KLF8: variants seen among roughly 807,000 people sequenced by gnomAD.
KLF8 encodes the protein KLF transcription factor 8, also known as Krueppel-like factor 8.
In KLF8, 10 loss-of-function variants were observed where a neutral mutation model predicts 18.2. The ratio of observed to expected loss-of-function variants is 0.55; its 90% CI spans 0.34 to 0.93. KLF8 has a LOEUF of 0.93. Among genes scored for constraint, KLF8 ranks in the 40% least tolerant of loss-of-function variants. The pLI is 0.02. For synonymous variants in KLF8, 109 were observed against 97.3 expected, an observed-to-expected ratio of 1.12 and a Z score of -0.71; for missense variants, 264 against 277.9, an observed-to-expected ratio of 0.95 and a Z score of 0.36.
the KLF8 span, among the ~76,000 whole-genome samples, chrX:56,053,544 G>GTTTT: frequency 2.9e-5 from 2 of 68,740 alleles, 1 homozygote; most frequent in Admixed American, 3.1e-4. Flanking sequence ...TCTTTTCTTT[G>GTTTT]TTTTTTTTTT....
chrX:56,148,695 G>C, the KLF8 span, among the ~76,000 whole-genome samples: 3 of 111,880 alleles, frequency 2.7e-5, no homozygotes, highest in East Asian at 8.4e-4. Context: ...AAAGCCAAGG[G>C]GTATCTTACA....
the KLF8 span, among the ~76,000 whole-genome samples, chrX:55,941,453 G>C: frequency 9.0e-6 from 1 of 111,516 alleles, no homozygotes; most frequent in African/African-American, 3.3e-5. Context: ...TCAGGTCATA[G>C]GCATGGGCAA....
At chrX:56,052,526 C>A in the KLF8 span, among the ~76,000 whole-genome samples, 2 of 111,735 alleles carry the variant, frequency 1.8e-5, no homozygotes, top group Admixed American at 9.5e-5. Context: ...GAATACCTGC[C>A]GTGTGAGGTG....
chrX:56,187,971 T>G, the KLF8 span, among the ~76,000 whole-genome samples: 16 of 111,618 alleles, frequency 1.4e-4, no homozygotes, highest in East Asian at 5.6e-4. Flanking sequence ...CACAAGACAG[T>G]GATGCCCTCT....
chrX:56,175,385 G>T, the KLF8 span, among the ~76,000 whole-genome samples: 1 of 112,025 alleles, frequency 8.9e-6, no homozygotes, highest in African/African-American at 3.2e-5. Context: ...AGGTTGCTCA[G>T]TTTCCATGTA....
chrX:56,085,794 A>G, the KLF8 span, among the ~76,000 whole-genome samples: 2 of 112,347 alleles, frequency 1.8e-5, no homozygotes, highest in Admixed American at 1.9e-4. Flanking sequence ...AAATAAACCC[A>G]GTACTGAAGG....
chrX:56,075,628 A>AT, the KLF8 span, among the ~76,000 whole-genome samples: 1 of 111,391 alleles, frequency 9.0e-6, no homozygotes, highest in Non-Finnish European at 1.9e-5. Flanking sequence ...CTATTTGTTG[A>AT]TACCCATTAA....
chrX:56,010,137 T>TCAACCC, the KLF8 span, among the ~76,000 whole-genome samples: 1 of 110,521 alleles, frequency 9.0e-6, no homozygotes, highest in South Asian at 3.9e-4. Context: ...CATGAGAAGA[T>TCAACCC]CAACCCCAAG....
chrX:56,137,026 A>G, the KLF8 span, among the ~76,000 whole-genome samples: 1 of 111,834 alleles, frequency 8.9e-6, no homozygotes, highest in Non-Finnish European at 1.9e-5. Context: ...ACTGGCCATC[A>G]GAGAAATGCA....
At chrX:56,135,586 A>T in the KLF8 span, among the ~76,000 whole-genome samples, 2 of 110,644 alleles carry the variant, frequency 1.8e-5, no homozygotes, top group South Asian at 7.8e-4. Context: ...GCTTTAGGAG[A>T]TATACCTAAT....
the KLF8 span, among the ~76,000 whole-genome samples, chrX:56,034,123 T>C: frequency 8.9e-6 from 1 of 112,340 alleles, no homozygotes; most frequent in Non-Finnish European, 1.9e-5. Context: ...TGCTATATTT[T>C]CTTTTAGTAT....
At chrX:56,155,043 G>A in the KLF8 span, among the ~76,000 whole-genome samples, 3 of 112,111 alleles carry the variant, frequency 2.7e-5, no homozygotes, top group Non-Finnish European at 1.9e-5. Flanking sequence ...GGAAGTCAGT[G>A]TGGGGATTCC....
At chrX:56,190,969 A>G in the KLF8 span, among the ~76,000 whole-genome samples, 1 of 111,839 alleles carries the variant, frequency 8.9e-6, no homozygotes, top group South Asian at 3.7e-4. Flanking sequence ...AGATAACAAA[A>G]GAAATAAATG....
At chrX:55,939,795 C>T in the KLF8 span, among the ~76,000 whole-genome samples, 4 of 111,478 alleles carry the variant, frequency 3.6e-5, no homozygotes, top group South Asian at 3.8e-4. Flanking sequence ...ATAAATTCCT[C>T]GACACATACA....
At chrX:56,187,303 C>T in the KLF8 span, among the ~76,000 whole-genome samples, 2 of 111,775 alleles carry the variant, frequency 1.8e-5, no homozygotes, top group African/African-American at 3.3e-5. Flanking sequence ...AACACATACA[C>T]CCTCCCAAGA....
At chrX:56,051,934 A>G in the KLF8 span, among the ~76,000 whole-genome samples, 1 of 109,915 alleles carries the variant, frequency 9.1e-6, no homozygotes, top group African/African-American at 3.4e-5. Context: ...GTCTTTTCAC[A>G]TAGTCCCATA....
chrX:55,949,227 G>GC, the KLF8 span, among the ~76,000 whole-genome samples: 2 of 110,713 alleles, frequency 1.8e-5, no homozygotes, highest in African/African-American at 6.5e-5. Flanking sequence ...ATTTTCCCAG[G>GC]CCCCATGGAC....
the KLF8 span, among the ~76,000 whole-genome samples, chrX:55,994,813 G>A: frequency 1.8e-5 from 2 of 111,931 alleles, no homozygotes; most frequent in Admixed American, 9.5e-5. Flanking sequence ...TTTTGAATTT[G>A]TTGAGAATTG....
chrX:56,149,461 GA>G, the KLF8 span, among the ~76,000 whole-genome samples: 1 of 110,494 alleles, frequency 9.1e-6, no homozygotes, highest in Non-Finnish European at 1.9e-5. Flanking sequence ...GACAAGGGCT[GA>G]AAAGCTACCT....
Sources: gnomAD v4.1 joint callset for allele counts (sites outside exome capture counted in the v4.1 genomes callset) on GRCh38, gnomAD v4.1.1 for gene constraint, MANE v1.5 for transcripts, NCBI Gene and HGNC (gene_info 2026-07-23, HGNC 2026-07-21) for gene names.